ARID1B: variants seen among roughly 807,000 people sequenced by gnomAD.
ARID1B encodes AT-rich interactive domain-containing protein 1B.
Under a neutral mutation model 212.3 loss-of-function variants are expected in ARID1B, and 30 were observed. That is an observed-to-expected ratio of 0.14 (90% CI 0.11 to 0.19). The LOEUF is 0.19. Among genes scored for constraint, ARID1B ranks in the 10% least tolerant of loss-of-function variants. The probability of loss-of-function intolerance (pLI) is 1.00; values close to 1 mark genes in which losing one functional copy is unlikely to be tolerated. For synonymous variants in ARID1B, 1,402 were observed against 1,301.7 expected, an observed-to-expected ratio of 1.08 and a Z score of -1.66; for missense variants, 2,891 against 3,204.0, an observed-to-expected ratio of 0.90 and a Z score of 2.36.
chr6:156,983,436 C>T (rs1777739228), intron 4 of ARID1B, among the ~76,000 whole-genome samples: 1 of 152,146 alleles, frequency 6.6e-6, no homozygotes, highest in Non-Finnish European at 1.5e-5. Flanking sequence ...TTGGAGGCCT[C>T]CTGTGTGAGC....
chr6:157,103,184 A>C (rs1409786037), intron 5 of ARID1B, among the ~76,000 whole-genome samples: 1 of 152,202 alleles, frequency 6.6e-6, no homozygotes, highest in African/African-American at 2.4e-5. Flanking sequence ...ACATGATTAC[A>C]GATGAGTTAC....
chr6:156,928,214 TC>T (rs1791395886), intron 3 of ARID1B, among the ~76,000 whole-genome samples: 1 of 152,176 alleles, frequency 6.6e-6, no homozygotes, highest in Non-Finnish European at 1.5e-5. Context: ...GACTTAAACT[TC>T]CTTCTGTAGG....
intron 4 of ARID1B, among the ~76,000 whole-genome samples, chr6:157,068,487 G>A (rs1195554149): frequency 6.6e-6 from 1 of 152,168 alleles, no homozygotes; most frequent in Non-Finnish European, 1.5e-5. Flanking sequence ...TTGGAGAACT[G>A]GAGAAAACAT....
intron 5 of ARID1B, among the ~76,000 whole-genome samples, chr6:157,109,984 G>C (rs188667353): frequency 1.1e-4 from 17 of 152,300 alleles, no homozygotes; most frequent in Admixed American, 1.1e-3. Context: ...GTTTCTTAAT[G>C]GAGGTCTTCT....
chr6:156,879,036 G>A (rs1017511263), intron 2 of ARID1B, among the ~76,000 whole-genome samples: 2 of 152,186 alleles, frequency 1.3e-5, no homozygotes, highest in Admixed American at 1.3e-4. Flanking sequence ...GTTGAGGGCG[G>A]AACTACAGCT....
intron 4 of ARID1B, among the ~76,000 whole-genome samples, chr6:156,945,228 T>C (rs1314935894): frequency 7.2e-5 from 9 of 124,528 alleles, no homozygotes; most frequent in South Asian, 3.1e-4. Context: ...AGCCCCCGCA[T>C]CCGGCTTTTT....
chr6:156,966,880 A>G (rs983181563), intron 4 of ARID1B, among the ~76,000 whole-genome samples: 3 of 151,702 alleles, frequency 2.0e-5, no homozygotes, highest in Admixed American at 6.6e-5. Flanking sequence ...TTATATTTTT[A>G]GTAGAGATGG....
intron 1 of ARID1B, among the ~76,000 whole-genome samples, chr6:156,802,521 G>A (rs1780861419): frequency 1.3e-5 from 2 of 152,156 alleles, no homozygotes; most frequent in South Asian, 4.1e-4. Flanking sequence ...TTTAAGGAAT[G>A]TCCAGAGGTT....
In ARID1B at chr6:156,778,178, G is replaced by A; in HGVS notation, c.498G>A (p.Gln166=). Reference sequence around the variant, plus strand: ...CCCCCGCCGCGCCGCCCCACCAGCAGCACCACCACCACCACCATGCCCACC... The same window carrying A: ...CCCCCGCCGCGCCGCCCCACCAGCAACACCACCACCACCACCATGCCCACC... ...GEAPAAPPHQ[Q]HHHHHHAHHH... Residue 166 remains glutamine (Q), a synonymous_variant, in exon 1 of 20, where the codon CAG becomes CAA. Coordinates refer to ENST00000636930, the MANE Select transcript of ARID1B (RefSeq NM_001374828.1). 2 of 1,540,308 alleles carry A rather than the reference G, an allele frequency of 1.3e-6. No homozygotes were observed. Among genetic ancestry groups the A allele is most frequent in the South Asian group, 1.2e-5 (1 of 83,718 alleles).
At chr6:156,829,187 A>T (rs1446875998) in intron 1 of ARID1B, 40 bp from the exon 2 acceptor site, 1 of 1,540,074 alleles carries the variant, frequency 6.5e-7, no homozygotes, top group African/African-American at 1.4e-5. Flanking sequence ...TTTGTAATAA[A>T]GAATGAATTA....
At chr6:157,191,327 A>T (rs1287863271) in intron 15 of ARID1B, among the ~76,000 whole-genome samples, 1 of 151,928 alleles carries the variant, frequency 6.6e-6, no homozygotes, top group East Asian at 1.9e-4. Context: ...TGGGCGGGTG[A>T]AGACATTATT....
intron 4 of ARID1B, among the ~76,000 whole-genome samples, chr6:156,977,336 AC>A (rs1253004366): frequency 6.7e-6 from 1 of 149,600 alleles, no homozygotes; most frequent in Non-Finnish European, 1.5e-5. Context: ...TATTAGACCT[AC>A]CCTGAAGTCT....
In ARID1B at chr6:156,777,859, G is replaced by A. The variant is rs1053072097; in HGVS notation, c.179G>A (p.Gly60Asp). 41 of 1,339,876 alleles carry A rather than the reference G, an allele frequency of 3.1e-5. No individual in the cohort carries two copies. The African/African-American group carries it at 6.2e-4, about 20-fold the overall frequency. 83.0% of individuals were successfully genotyped at this position (1,339,876 alleles called of 1,614,324 possible). ...GCGGCACCGGGACCCATGCTGGGGG[G>A]CGGCGGCGACGGCGGCGGCGGCCTG... is the stretch of plus-strand genomic sequence containing the variant. The part of the protein sequence containing the change: ...AAAAPGPMLG[G>D]GGDGGGGLNS... Residue 60 changes from glycine (G) to aspartate (D), a missense_variant, in exon 1 of 20, where the codon GGC (glycine) becomes GAC (aspartate). By Grantham distance (94) the Gly-to-Asp change is moderately conservative (BLOSUM62 -1). This residue lies in a region of ARID1B where 1,643 missense variants were observed against 1,544.0 expected (regional missense o/e 1.06). Transcript: ENST00000636930.
intron 4 of ARID1B, among the ~76,000 whole-genome samples, chr6:156,944,477 C>T (rs1181939816): frequency 6.6e-6 from 1 of 152,040 alleles, no homozygotes; most frequent in Non-Finnish European, 1.5e-5. Flanking sequence ...GATGTCGTTG[C>T]ATATAGGGAA....
At chr6:157,176,803 G>T (rs1240143710) in intron 11 of ARID1B, among the ~76,000 whole-genome samples, 1 of 152,130 alleles carries the variant, frequency 6.6e-6, no homozygotes, top group African/African-American at 2.4e-5. Context: ...CCGAGATCGC[G>T]CCACTGCACT....
At chr6:156,933,670 T>C (rs913801102) in intron 3 of ARID1B, among the ~76,000 whole-genome samples, 3 of 152,220 alleles carry the variant, frequency 2.0e-5, no homozygotes, top group African/African-American at 7.2e-5. Context: ...AATAAAAACC[T>C]AGACAAATAG....
intron 7 of ARID1B, among the ~76,000 whole-genome samples, chr6:157,135,455 A>T (rs1054175734): frequency 6.6e-6 from 1 of 152,074 alleles, no homozygotes; most frequent in Non-Finnish European, 1.5e-5. Flanking sequence ...ATATTCCCAC[A>T]CTCAGCACTC....
chr6:157,096,915 A>G (rs1785678719), intron 5 of ARID1B, among the ~76,000 whole-genome samples: 1 of 152,254 alleles, frequency 6.6e-6, no homozygotes, highest in Non-Finnish European at 1.5e-5. Context: ...GTGAATTGTG[A>G]TAGTGAAGCA....
chr6:156,916,635 A>G (rs1582943036), intron 3 of ARID1B, among the ~76,000 whole-genome samples: 2 of 151,894 alleles, frequency 1.3e-5, no homozygotes, highest in East Asian at 3.9e-4. Flanking sequence ...TGCTTGCCTT[A>G]TGTTTCCCCG....
Sources: gnomAD v4.1 joint callset for allele counts (sites outside exome capture counted in the v4.1 genomes callset) on GRCh38, gnomAD v4.1.1 for gene constraint, gnomAD v4.1.1 regional missense constraint, MANE v1.5 for transcripts, NCBI Gene and HGNC (gene_info 2026-07-23, HGNC 2026-07-21) for gene names.